DOCK2: variants seen among roughly 807,000 people sequenced by gnomAD.
DOCK2 encodes dedicator of cytokinesis 2, also known as dedicator of cytokinesis protein 2.
A neutral mutation model predicts 248.9 loss-of-function variants in DOCK2; 87 were observed. That is an observed-to-expected ratio of 0.35 (90% CI 0.29 to 0.42). The LOEUF (loss-of-function observed/expected upper bound fraction) is 0.42. DOCK2 is among the 10% of genes least tolerant of loss of function. DOCK2 has a pLI of 1.00. For missense variants in DOCK2, 1,747 were observed against 2,300.2 expected, an observed-to-expected ratio of 0.76 and a Z score of 4.92; for synonymous variants, 805 against 821.6, an observed-to-expected ratio of 0.98 and a Z score of 0.35.
intron 27 of DOCK2, among the ~76,000 whole-genome samples, chr5:169,869,733 G>A (rs1307715978): frequency 6.6e-6 from 1 of 152,208 alleles, no homozygotes; most frequent in African/African-American, 2.4e-5. Context: ...TCTTAGCAGA[G>A]CGTTGTTTGC....
intron 17 of DOCK2, 58 bp from the exon 18 acceptor site, chr5:169,713,970 C>T: frequency 1.3e-6 from 2 of 1,509,758 alleles, no homozygotes; most frequent in Non-Finnish European, 1.8e-6. Context: ...GCTGCAGGCT[C>T]TGTGTGGCAT....
chr5:169,672,599 GC>G (rs1259544268), intron 5 of DOCK2, among the ~76,000 whole-genome samples: 3 of 152,128 alleles, frequency 2.0e-5, no homozygotes, highest in Non-Finnish European at 2.9e-5. Flanking sequence ...CCAACTAGAT[GC>G]CCCACAATTC....
chr5:169,978,348 G>A (rs1036769160), intron 27 of DOCK2, among the ~76,000 whole-genome samples: 2 of 134,486 alleles, frequency 1.5e-5, no homozygotes, highest in African/African-American at 5.6e-5. Flanking sequence ...CAGTTCACAT[G>A]GCACTGCAGG....
In DOCK2 at chr5:169,684,110, C is replaced by G. The variant is rs1759821482; in HGVS notation, c.607-86C>G. On this transcript the variant is annotated intron_variant, in intron 7 of 51. Transcript: ENST00000520908. The stretch of plus-strand genomic sequence containing the variant: ...AATGCCCAAACTTTAGGCTTGAACC[C>G]AATATCCTTGACTATCTCTCTGTTG... 8 of 1,531,648 alleles carry G rather than the reference C, an allele frequency of 5.2e-6. No individual in the cohort carries two copies. In the Admixed American group the frequency reaches 8.8e-5, roughly 17 times the overall value. 94.9% of individuals were successfully genotyped at this position (1,531,648 alleles called of 1,614,324 possible).
intron 27 of DOCK2, among the ~76,000 whole-genome samples, chr5:169,938,910 C>CTTT (rs60068204): frequency 9.8e-4 from 139 of 141,224 alleles, no homozygotes; most frequent in East Asian, 1.8e-3. Flanking sequence ...TTTTTCTTTT[C>CTTT]TTTTTTTTTT....
intron 25 of DOCK2, among the ~76,000 whole-genome samples, chr5:169,768,848 C>G (rs969926845): frequency 6.6e-6 from 1 of 152,176 alleles, no homozygotes; most frequent in Non-Finnish European, 1.5e-5. Context: ...CATATAGTGC[C>G]TGGAATACCT....
chr5:169,981,888 C>T (rs1157763886), intron 27 of DOCK2, among the ~76,000 whole-genome samples: 2 of 152,046 alleles, frequency 1.3e-5, no homozygotes. Flanking sequence ...CTTTTATATG[C>T]ACTGAGAAGC....
chr5:169,684,461 CACCTGAGTGAGAATGTGGAAAT>C, intron 8 of DOCK2, 111 bp downstream of exon 8: 1 of 1,358,850 alleles, frequency 7.4e-7, no homozygotes, highest in Non-Finnish European at 9.9e-7. Context: ...AAAGAGACTG[CACCTGAGTGAGAATGTGGAAAT>C]AACTTCTTTG....
At chr5:169,782,423 G>A (rs1765757767) in intron 25 of DOCK2, among the ~76,000 whole-genome samples, 1 of 151,920 alleles carries the variant, frequency 6.6e-6, no homozygotes, top group African/African-American at 2.4e-5. Context: ...TTCATCTCCA[G>A]GCCTAAAGCT....
At chr5:170,048,349 C>A (rs533129096) in intron 40 of DOCK2, among the ~76,000 whole-genome samples, 79 of 152,064 alleles carry the variant, frequency 5.2e-4, no homozygotes, top group African/African-American at 1.9e-3. Context: ...CATGATGGGG[C>A]CACTGCACTC....
At chr5:169,773,314 A>G (rs1000856622) in intron 25 of DOCK2, 1 of 152,214 alleles carries the variant, frequency 6.6e-6, no homozygotes, top group Non-Finnish European at 1.5e-5. Context: ...ATCAAGGAAA[A>G]AAATCTGTCT....
intron 27 of DOCK2, among the ~76,000 whole-genome samples, chr5:169,910,372 T>C (rs1774526605): frequency 6.6e-6 from 1 of 152,204 alleles, no homozygotes; most frequent in African/African-American, 2.4e-5. Flanking sequence ...TAAAATTGCA[T>C]CTCAAGACAG....
intron 27 of DOCK2, among the ~76,000 whole-genome samples, chr5:169,897,343 C>T (rs756734209): frequency 1.3e-4 from 20 of 152,092 alleles, no homozygotes; most frequent in Non-Finnish European, 2.1e-4. Flanking sequence ...CACCACCACA[C>T]CCAGCTAACC....
At chr5:169,733,241 G>A (rs911864341) in intron 22 of DOCK2, among the ~76,000 whole-genome samples, 2 of 151,138 alleles carry the variant, frequency 1.3e-5, no homozygotes, top group Non-Finnish European at 3.0e-5. Context: ...TTATATTAGT[G>A]GCTACCTGCA....
chr5:169,979,488 A>C (rs1397951117), intron 27 of DOCK2, among the ~76,000 whole-genome samples: 1 of 152,186 alleles, frequency 6.6e-6, no homozygotes, highest in African/African-American at 2.4e-5. Flanking sequence ...TGGTTTTTAA[A>C]ATCCAAATGA....
rs138198752 is a variant in DOCK2 at position 169,742,433 on chromosome 5, G to A, written c.2268-4963G>A. 5.4e-3 allele frequency among the ~76,000 whole-genome samples: 820 copies of A among 152,314 alleles called. 9 individuals carry two copies. The highest frequency in any genetic ancestry group is 0.024 in the South Asian group (117 of 4,826). On this transcript the variant is annotated intron_variant, in intron 22 of 51. Transcript: ENST00000520908. ...AGCCAAGGTCACCCAACTAATAAGC[G>A]ACAGAGCAAGGCTAGGAACCCAGGC...
At chr5:169,854,140 T>C (rs939091350) in intron 27 of DOCK2, among the ~76,000 whole-genome samples, 1 of 151,496 alleles carries the variant, frequency 6.6e-6, no homozygotes, top group Admixed American at 6.6e-5. Flanking sequence ...ACTTTGACAC[T>C]ATTTCTTTAA....
rs188669441 is a variant in DOCK2 at position 169,958,418 on chromosome 5, G to A, written c.2800-24650G>A. Among the ~76,000 whole-genome samples the A allele has an allele frequency of 3.9e-5, 6 of 152,206 alleles. No individual in the cohort carries two copies. The East Asian group carries it at 7.7e-4, about 20-fold the overall frequency. ...AGAAAATCTGCAAACTCCATCATCC[G>A]AATAACAGGGCTGATGGTTTAGAAT... On this transcript the variant is annotated intron_variant, in intron 27 of 51. Coordinates refer to ENST00000520908, the MANE Select transcript of DOCK2 (RefSeq NM_004946.3).
chr5:169,653,642 C>T (rs182671875), intron 1 of DOCK2, among the ~76,000 whole-genome samples: 13 of 152,200 alleles, frequency 8.5e-5, no homozygotes, highest in Non-Finnish European at 1.6e-4. Flanking sequence ...CTGGCCCTGC[C>T]TGCAGGAAGC....
Sources: gnomAD v4.1 joint callset for allele counts (sites outside exome capture counted in the v4.1 genomes callset) on GRCh38, gnomAD v4.1.1 for gene constraint, MANE v1.5 for transcripts, NCBI Gene and HGNC (gene_info 2026-07-23, HGNC 2026-07-21) for gene names.